KCNIP4: variants seen among roughly 807,000 people sequenced by gnomAD.
The protein encoded by KCNIP4 is Kv channel-interacting protein 4.
Under a neutral mutation model 34.0 loss-of-function variants are expected in KCNIP4, and 12 were observed. The ratio of observed to expected loss-of-function variants is 0.35; its 90% CI spans 0.23 to 0.57. KCNIP4 has a LOEUF of 0.57. KCNIP4 is among the 20% of genes least tolerant of loss of function. The pLI is 0.83. For missense variants in KCNIP4, 238 were observed against 311.7 expected, an observed-to-expected ratio of 0.76 and a Z score of 1.78; for synonymous variants, 124 against 102.2, an observed-to-expected ratio of 1.21 and a Z score of -1.29.
chr4:21,276,932 T>C (rs956336932), intron 1 of KCNIP4, among the ~76,000 whole-genome samples: 10 of 152,206 alleles, frequency 6.6e-5, no homozygotes, highest in African/African-American at 2.2e-4. Flanking sequence ...GGAACATGAA[T>C]ATGAGGTTAG....
At chr4:20,831,123 A>C (rs1037140587) in intron 3 of KCNIP4, among the ~76,000 whole-genome samples, 6 of 152,210 alleles carry the variant, frequency 3.9e-5, no homozygotes, top group Non-Finnish European at 7.3e-5. Flanking sequence ...AAGTGTAAGC[A>C]TGAAACATTT....
chr4:21,714,790 T>TCA, intron 1 of KCNIP4, among the ~76,000 whole-genome samples: 2 of 260 alleles, frequency 7.7e-3, no homozygotes, highest in African/African-American at 0.029. Flanking sequence ...CCTTTGATTA[T>TCA]TTTATTTTAT....
chr4:21,151,405 AATT>A (rs1272667840), intron 1 of KCNIP4, among the ~76,000 whole-genome samples: 21,137 of 92,280 alleles, frequency 0.23, 4,131 homozygotes, highest in Middle Eastern at 0.27. Context: ...AACAAAAGAC[AATT>A]TTTTTTTTTT....
At chr4:21,369,365 G>C (rs1720103339) in intron 1 of KCNIP4, among the ~76,000 whole-genome samples, 1 of 147,052 alleles carries the variant, frequency 6.8e-6, no homozygotes, top group South Asian at 2.1e-4. Flanking sequence ...AGTTTAGTAG[G>C]GACTTTACAC....
intron 1 of KCNIP4, among the ~76,000 whole-genome samples, chr4:21,487,613 T>A (rs1732027761): frequency 6.6e-6 from 1 of 152,206 alleles, no homozygotes; most frequent in Admixed American, 6.5e-5. Flanking sequence ...ATCCACATTA[T>A]CAGAAAGTCT....
chr4:21,665,513 C>G (rs955532725), intron 1 of KCNIP4, among the ~76,000 whole-genome samples: 4 of 28,794 alleles, frequency 1.4e-4, no homozygotes, highest in Admixed American at 1.2e-3. Context: ...CACAGGGCAC[C>G]CCCCCCCCCT....
At chr4:21,512,368 T>G (rs1734412455) in intron 1 of KCNIP4, among the ~76,000 whole-genome samples, 1 of 152,220 alleles carries the variant, frequency 6.6e-6, no homozygotes, top group South Asian at 2.1e-4. Context: ...TTGTAATGAC[T>G]TCACCTAACA....
chr4:21,516,343 T>G (rs750773694), intron 1 of KCNIP4, among the ~76,000 whole-genome samples: 1 of 152,190 alleles, frequency 6.6e-6, no homozygotes, highest in Non-Finnish European at 1.5e-5. Context: ...ATCTAAAATC[T>G]AGGTCAGAAA....
chr4:21,437,839 A>T (rs1026489619), intron 1 of KCNIP4, among the ~76,000 whole-genome samples: 2 of 151,572 alleles, frequency 1.3e-5, no homozygotes, highest in Non-Finnish European at 2.9e-5. Context: ...AGCCAACATG[A>T]AGTCAATGGA....
chr4:20,735,521 T>G (rs1488953028), intron 5 of KCNIP4, among the ~76,000 whole-genome samples: 2 of 122,674 alleles, frequency 1.6e-5, no homozygotes, highest in Non-Finnish European at 3.2e-5. Flanking sequence ...ATTTAGTGTT[T>G]TTTTTTTTGT....
chr4:21,489,418 T>C (rs1381788172), intron 1 of KCNIP4, among the ~76,000 whole-genome samples: 1 of 152,042 alleles, frequency 6.6e-6, no homozygotes, highest in Non-Finnish European at 1.5e-5. Flanking sequence ...CAATGACTTT[T>C]CAAAAAACCT....
rs71191517 is a variant in KCNIP4 at position 21,538,011 on chromosome 4, CAAAAAAAAAAAAAAA to C, written c.61+410545_61+410559del. On this transcript the variant is annotated intron_variant, in intron 1 of 8. Coordinates refer to ENST00000382152, the MANE Select transcript of KCNIP4 (RefSeq NM_025221.6). Reference sequence around the variant, plus strand: ...TAGGTGACAGAGTGAGATTCCGTCTCAAAAAAAAAAAAAAAAAAAAAAAAAAAAGACAAGGGAAAT... The same window carrying C: ...TAGGTGACAGAGTGAGATTCCGTCTCAAAAAAAAAAAAAGACAAGGGAAAT... 7.4e-4 allele frequency among the ~76,000 whole-genome samples: 38 copies of C among 51,272 alleles called. No homozygotes were observed. The East Asian group carries it at 0.01, about 14-fold the overall frequency. The allele number at this position is 51,272 out of a possible 152,430, so 33.6% of individuals were successfully genotyped here. A position where few individuals can be genotyped will look rare whatever the true frequency, so the allele number is the denominator to read the frequency against.
intron 1 of KCNIP4, among the ~76,000 whole-genome samples, chr4:20,980,909 C>A (rs766304927): frequency 6.6e-6 from 1 of 151,904 alleles, no homozygotes; most frequent in Non-Finnish European, 1.5e-5. Flanking sequence ...ATTGGGATAA[C>A]CCTGTCAACC....
intron 1 of KCNIP4, among the ~76,000 whole-genome samples, chr4:21,397,383 A>G (rs1723096925): frequency 6.6e-6 from 1 of 152,190 alleles, no homozygotes; most frequent in Admixed American, 6.5e-5. Flanking sequence ...ATATCATCAC[A>G]TTTATCAATA....
chr4:20,778,606 T>C (rs1303319836), intron 3 of KCNIP4, among the ~76,000 whole-genome samples: 2 of 152,150 alleles, frequency 1.3e-5, no homozygotes, highest in African/African-American at 4.8e-5. Flanking sequence ...GTGACCTCCT[T>C]GGACTATTTC....
intron 1 of KCNIP4, among the ~76,000 whole-genome samples, chr4:21,146,425 C>T (rs1348057217): frequency 1.3e-5 from 2 of 152,024 alleles, no homozygotes; most frequent in African/African-American, 4.8e-5. Context: ...AGTGGAAGAC[C>T]AATAAGAATT....
At chr4:21,223,345 C>G (rs531315590) in intron 1 of KCNIP4, among the ~76,000 whole-genome samples, 1 of 152,306 alleles carries the variant, frequency 6.6e-6, no homozygotes, top group East Asian at 1.9e-4. Flanking sequence ...CCTGGAGTCT[C>G]CATAAGAAAC....
intron 1 of KCNIP4, among the ~76,000 whole-genome samples, chr4:20,968,154 C>G (rs920543673): frequency 6.6e-6 from 1 of 152,196 alleles, no homozygotes; most frequent in African/African-American, 2.4e-5. Flanking sequence ...GACATTTATG[C>G]AGCCAAAAGA....
At chr4:21,204,526 G>A (rs1006189596) in intron 1 of KCNIP4, among the ~76,000 whole-genome samples, 1 of 152,096 alleles carries the variant, frequency 6.6e-6, no homozygotes, top group South Asian at 2.1e-4. Context: ...CCAATGATTG[G>A]TTTTAGATTC....
Sources: gnomAD v4.1 joint callset for allele counts (sites outside exome capture counted in the v4.1 genomes callset) on GRCh38, gnomAD v4.1.1 for gene constraint, MANE v1.5 for transcripts, NCBI Gene and HGNC (gene_info 2026-07-23, HGNC 2026-07-21) for gene names.